The following RAD52 variants were observed in gnomAD, a reference collection of about 807,000 sequenced individuals.
RAD52 encodes RAD52 DNA repair protein.
Under a neutral mutation model 55.5 loss-of-function variants are expected in RAD52, and 47 were observed. The ratio of observed to expected loss-of-function variants is 0.85; its 90% CI spans 0.67 to 1.08. The LOEUF (loss-of-function observed/expected upper bound fraction) is 1.08. Ranked by LOEUF, RAD52 falls within the 50% of genes least tolerant of loss-of-function variation. The pLI is 0.00. For missense variants in RAD52, 468 were observed against 522.8 expected, an observed-to-expected ratio of 0.90 and a Z score of 1.02; for synonymous variants, 184 against 198.9, an observed-to-expected ratio of 0.92 and a Z score of 0.63.
intron 1 of RAD52, among the ~76,000 whole-genome samples, chr12:979,489 A>G (rs1258569638): frequency 6.6e-6 from 1 of 152,232 alleles, no homozygotes; most frequent in East Asian, 1.9e-4. Context: ...GGGGCTCTTA[A>G]CAGATAAGAC....
At chr12:925,606 T>C (rs1956991643) in intron 6 of RAD52, 81 bp from the exon 7 acceptor site, 2 of 1,179,074 alleles carry the variant, frequency 1.7e-6, no homozygotes, top group Non-Finnish European at 2.5e-6. Flanking sequence ...ACAACTTTTG[T>C]ACAGGTTGCT....
chr12:933,924 C>A (rs1250600846), intron 1 of RAD52, among the ~76,000 whole-genome samples: 5 of 151,914 alleles, frequency 3.3e-5, no homozygotes, highest in Admixed American at 1.3e-4. Context: ...GAGTTTGAGA[C>A]TAGCCTAGAC....
At chr12:959,189 A>T (rs1958651905) in intron 1 of RAD52, among the ~76,000 whole-genome samples, 1 of 152,210 alleles carries the variant, frequency 6.6e-6, no homozygotes, top group Non-Finnish European at 1.5e-5. Context: ...AAGAACCGGC[A>T]CTAGTATCAT....
At chr12:961,943 G>A (rs929447598) in intron 1 of RAD52, among the ~76,000 whole-genome samples, 3 of 152,112 alleles carry the variant, frequency 2.0e-5, no homozygotes, top group African/African-American at 7.2e-5. Context: ...GAGAAGCCAC[G>A]TGAGAAGCCA....
intron 1 of RAD52, among the ~76,000 whole-genome samples, chr12:939,522 G>C (rs967704032): frequency 1.2e-4 from 18 of 152,124 alleles, no homozygotes; most frequent in Non-Finnish European, 1.2e-4. Flanking sequence ...GCATAGCCAA[G>C]ATTATGGCAG....
intron 1 of RAD52, among the ~76,000 whole-genome samples, chr12:939,429 C>T (rs779411690): frequency 1.3e-5 from 2 of 152,092 alleles, no homozygotes; most frequent in South Asian, 2.1e-4. Flanking sequence ...GGATTACAGA[C>T]GTGAGCCACT....
At chr12:972,289 A>T (rs1333981889) in intron 1 of RAD52, among the ~76,000 whole-genome samples, 1 of 152,110 alleles carries the variant, frequency 6.6e-6, no homozygotes, top group Non-Finnish European at 1.5e-5. Flanking sequence ...TATATATATA[A>T]ATACACATAT....
intron 1 of RAD52, among the ~76,000 whole-genome samples, chr12:934,065 G>C (rs137901171): frequency 1.4e-5 from 2 of 147,266 alleles, no homozygotes; most frequent in Non-Finnish European, 3.0e-5. Flanking sequence ...CCACCCCATC[G>C]CACTCCAGCC....
intron 7 of RAD52, among the ~76,000 whole-genome samples, chr12:924,742 TTGTAATGACATCAGACA>T (rs11571454): frequency 0.13 from 19,272 of 152,078 alleles, 1,526 homozygotes; most frequent in East Asian, 0.36. Context: ...GTAAATGACA[TTGTAATGACATCAGACA>T]TGTAATGACA....
intron 1 of RAD52, chr12:975,564 G>A (rs905588431): frequency 6.6e-6 from 1 of 152,194 alleles, no homozygotes; most frequent in Non-Finnish European, 1.5e-5. Flanking sequence ...CAAACCAGAA[G>A]TAACCAGAAG....
intron 1 of RAD52, among the ~76,000 whole-genome samples, chr12:942,037 T>C (rs1957948224): frequency 6.6e-6 from 1 of 152,212 alleles, no homozygotes; most frequent in South Asian, 2.1e-4. Flanking sequence ...TCCAAATTGA[T>C]CCATAGATTC....
At chr12:915,715 TTTTTGTTTTG>T (rs149869254) in intron 9 of RAD52, among the ~76,000 whole-genome samples, 43,447 of 125,496 alleles carry the variant, frequency 0.35, 6,300 homozygotes, top group Admixed American at 0.44. Context: ...GCTTGTTTTT[TTTTTGTTTTG>T]TTTTTGTTTT....
chr12:957,745 G>A (rs1181445867), intron 1 of RAD52, among the ~76,000 whole-genome samples: 9 of 151,898 alleles, frequency 5.9e-5, no homozygotes, highest in Non-Finnish European at 1.2e-4. Flanking sequence ...AGTGGAGATC[G>A]CGCCACTGCA....
chr12:971,800 T>G (rs755869084), intron 1 of RAD52, among the ~76,000 whole-genome samples: 14 of 151,868 alleles, frequency 9.2e-5, no homozygotes, highest in African/African-American at 2.4e-4. Flanking sequence ...CAGGCTGGAG[T>G]GCAGTGGCGC....
intron 1 of RAD52, among the ~76,000 whole-genome samples, chr12:988,278 C>T (rs888515607): frequency 2.0e-5 from 3 of 152,142 alleles, no homozygotes; most frequent in African/African-American, 7.2e-5. Flanking sequence ...ATTTCAAGAT[C>T]TATTTTTAAA....
intron 1 of RAD52, among the ~76,000 whole-genome samples, chr12:966,849 G>A (rs946838881): frequency 1.8e-4 from 28 of 151,936 alleles, no homozygotes; most frequent in Admixed American, 4.6e-4. Flanking sequence ...TAAGGCCGGC[G>A]AGGCTCTCCT....
At chr12:982,886 G>A (rs1007976170) in intron 1 of RAD52, among the ~76,000 whole-genome samples, 4 of 148,762 alleles carry the variant, frequency 2.7e-5, no homozygotes, top group South Asian at 2.2e-4. Flanking sequence ...GTCTCACTCC[G>A]TCAAGCAGGC....
intron 1 of RAD52, among the ~76,000 whole-genome samples, chr12:939,793 C>T (rs983585625): frequency 3.9e-5 from 6 of 152,076 alleles, no homozygotes; most frequent in African/African-American, 9.7e-5. Context: ...GAGGGCTGGG[C>T]GCACCGGGCG....
chr12:951,101 G>A (rs886319886), upstream of RAD52, among the ~76,000 whole-genome samples: 1 of 151,418 alleles, frequency 6.6e-6, no homozygotes, highest in Non-Finnish European at 1.5e-5. Context: ...GTCATCTTTT[G>A]ATAAATGATT....
Sources: allele counts gnomAD v4.1 joint callset (sites outside exome capture counted in the v4.1 genomes callset), GRCh38; gene constraint gnomAD v4.1.1; transcripts MANE v1.5; gene names NCBI Gene and HGNC (gene_info 2026-07-23, HGNC 2026-07-21).